Variants in ERCC6L2 observed in about 807,000 individuals in gnomAD.
ERCC6L2 encodes the protein DNA excision repair protein ERCC-6-like 2.
In ERCC6L2, 77 loss-of-function variants were observed where a neutral mutation model predicts 132.0. The observed-to-expected ratio is 0.58, with a 90% CI of 0.49 to 0.71. The LOEUF (loss-of-function observed/expected upper bound fraction) is 0.71. Among genes scored for constraint, ERCC6L2 ranks in the 30% least tolerant of loss-of-function variants. The pLI is 0.00. For missense variants in ERCC6L2, 1,542 were observed against 1,837.6 expected (o/e 0.84, Z 2.94); for synonymous variants, 583 against 632.4 (o/e 0.92, Z 1.17).
intron 17 of ERCC6L2, among the ~76,000 whole-genome samples, chr9:95,989,685 A>G (rs1833224315): frequency 6.6e-6 from 1 of 152,200 alleles, no homozygotes; most frequent in Admixed American, 6.5e-5. Flanking sequence ...CTCTAGTTTC[A>G]TTATATTTCT....
chr9:96,039,995 G>T (rs1216085510), intron 20 of ERCC6L2, among the ~76,000 whole-genome samples: 1 of 151,760 alleles, frequency 6.6e-6, no homozygotes, highest in African/African-American at 2.4e-5. Context: ...GAGGCAGGAG[G>T]ATCACTCGAG....
chr9:96,021,113 ACT>A (rs1564309447), downstream of ERCC6L2: 3 of 407,498 alleles, frequency 7.4e-6, no homozygotes, highest in South Asian at 1.8e-5. The surrounding 1 kb of genome is among the most constrained non-coding windows in gnomAD (Gnocchi z 4.7). Flanking sequence ...CGCGCCCATT[ACT>A]CTCAGGCGTC....
At chr9:95,973,422 CTG>C (rs1384805071) in intron 16 of ERCC6L2, among the ~76,000 whole-genome samples, 1 of 152,096 alleles carries the variant, frequency 6.6e-6, no homozygotes, top group Non-Finnish European at 1.5e-5. Context: ...GTGAATTAAT[CTG>C]TTTTCATGCT....
chr9:96,031,616 G>A (rs564329924), intron 19 of ERCC6L2, among the ~76,000 whole-genome samples: 1 of 152,374 alleles, frequency 6.6e-6, no homozygotes, highest in Non-Finnish European at 1.5e-5. Context: ...CCAAGCACCA[G>A]GATCCAGGGG....
intron 19 of ERCC6L2, among the ~76,000 whole-genome samples, chr9:96,024,637 C>A (rs1347386985): frequency 1.3e-5 from 2 of 152,050 alleles, no homozygotes; most frequent in Non-Finnish European, 2.9e-5. Flanking sequence ...TCTAGGGGCC[C>A]CTCCACTCAC....
intron 17 of ERCC6L2, among the ~76,000 whole-genome samples, chr9:95,987,266 C>A (rs1177299451): frequency 2.0e-5 from 3 of 152,190 alleles, no homozygotes; most frequent in African/African-American, 4.8e-5. Context: ...AAAGTCTTAA[C>A]TCATTTCAGC....
At chr9:96,022,449 C>T (rs965096408), downstream of ERCC6L2, among the ~76,000 whole-genome samples, 10 of 152,186 alleles carry the variant, frequency 6.6e-5, no homozygotes, top group African/African-American at 1.9e-4. Flanking sequence ...AACAACGCTT[C>T]TGGGCCGGTA....
At chr9:95,912,773 G>T (rs889791170) in intron 4 of ERCC6L2, among the ~76,000 whole-genome samples, 1 of 152,058 alleles carries the variant, frequency 6.6e-6, no homozygotes, top group Non-Finnish European at 1.5e-5. Context: ...ATGACTTTTT[G>T]AGAGGACCAG....
At chr9:95,896,407 GA>G (rs773410599) in intron 2 of ERCC6L2, among the ~76,000 whole-genome samples, 3 of 107,714 alleles carry the variant, frequency 2.8e-5, no homozygotes, top group African/African-American at 9.3e-5. Context: ...TTTGTTTTTT[GA>G]TTTTTTTTTT....
At chr9:95,884,333 A>T (rs548772221) in intron 2 of ERCC6L2, among the ~76,000 whole-genome samples, 1 of 152,342 alleles carries the variant, frequency 6.6e-6, no homozygotes, top group South Asian at 2.1e-4. Context: ...GAGCTTCTAT[A>T]GATAGATAAA....
intron 17 of ERCC6L2, among the ~76,000 whole-genome samples, chr9:95,994,246 A>C (rs765561005): frequency 1.3e-5 from 2 of 152,146 alleles, no homozygotes; most frequent in Non-Finnish European, 2.9e-5. Flanking sequence ...CTCAGGAACA[A>C]GGTGTACAAA....
chr9:95,923,448 G>C (rs1829966567), intron 9 of ERCC6L2, 69 bp downstream of exon 9: 1 of 1,556,210 alleles, frequency 6.4e-7, no homozygotes, highest in African/African-American at 1.4e-5. Context: ...GTATGACAGA[G>C]ACACCAACTA....
chr9:95,947,764 T>C (rs1831131184), intron 12 of ERCC6L2, among the ~76,000 whole-genome samples: 1 of 152,214 alleles, frequency 6.6e-6, no homozygotes, highest in Admixed American at 6.5e-5. Context: ...AAAGTTATGC[T>C]AACTCTACTC....
At chr9:95,882,772 A>C (rs758941540) in intron 2 of ERCC6L2, among the ~76,000 whole-genome samples, 1 of 152,204 alleles carries the variant, frequency 6.6e-6, no homozygotes, top group African/African-American at 2.4e-5. Flanking sequence ...ACCATACTCT[A>C]TGTTCCTTCA....
intron 1 of ERCC6L2, chr9:95,876,719 C>T (rs564779434): frequency 6.6e-6 from 1 of 152,274 alleles, no homozygotes; most frequent in Admixed American, 6.5e-5. Context: ...AGTGATTTTC[C>T]TGAGCCCAGC....
At chr9:96,028,449 T>C (rs1473121555) in intron 19 of ERCC6L2, among the ~76,000 whole-genome samples, 1 of 152,066 alleles carries the variant, frequency 6.6e-6, no homozygotes, top group East Asian at 1.9e-4. Context: ...GAGCCACAGG[T>C]CTTGTTTTCC....
At chr9:95,939,527 G>A (rs1408773651) in intron 11 of ERCC6L2, among the ~76,000 whole-genome samples, 1 of 152,076 alleles carries the variant, frequency 6.6e-6, no homozygotes, top group Non-Finnish European at 1.5e-5. Flanking sequence ...CATATTTCGT[G>A]AATGATACTG....
intron 11 of ERCC6L2, among the ~76,000 whole-genome samples, chr9:95,937,572 G>C (rs1470111443): frequency 6.6e-6 from 1 of 151,944 alleles, no homozygotes; most frequent in Non-Finnish European, 1.5e-5. Context: ...GTTGAGTTCA[G>C]TGGTTTGCGG....
intron 4 of ERCC6L2, among the ~76,000 whole-genome samples, chr9:95,909,873 C>G (rs1017047780): frequency 6.6e-6 from 1 of 152,178 alleles, no homozygotes; most frequent in Non-Finnish European, 1.5e-5. Flanking sequence ...AAACCATTTT[C>G]CACAGTGGTT....
Sources: gnomAD v4.1 joint callset for allele counts (sites outside exome capture counted in the v4.1 genomes callset) on GRCh38, gnomAD v4.1.1 for gene constraint, Gnocchi (gnomAD v3.1) non-coding constraint, MANE v1.5 for transcripts, NCBI Gene and HGNC (gene_info 2026-07-23, HGNC 2026-07-21) for gene names.